The following GARNL3 variants were observed in gnomAD, a reference collection of about 807,000 sequenced individuals.
GARNL3 encodes GTPase activating Rap/RanGAP domain like 3, also known as GTPase-activating Rap/Ran-GAP domain-like protein 3.
Under a neutral mutation model 125.0 loss-of-function variants are expected in GARNL3, and 63 were observed. The observed-to-expected ratio is 0.50, with a 90% CI of 0.41 to 0.62. The LOEUF is 0.62. Ranked by LOEUF, GARNL3 falls within the 20% of genes least tolerant of loss-of-function variation. GARNL3 has a pLI of 0.00. For missense variants in GARNL3, 994 were observed against 1,244.0 expected, an observed-to-expected ratio of 0.80 and a Z score of 3.02; for synonymous variants, 439 against 457.5, an observed-to-expected ratio of 0.96 and a Z score of 0.52.
intron 1 of GARNL3, 67 bp from the exon 2 acceptor site, chr9:127,291,101 G>A (rs2064401110): frequency 5.3e-6 from 8 of 1,512,936 alleles, no homozygotes; most frequent in Non-Finnish European, 7.3e-6. Context: ...CTTACTTATA[G>A]GATAATTACA....
chr9:127,336,938 T>A (rs917905138), intron 11 of GARNL3, among the ~76,000 whole-genome samples: 1 of 152,178 alleles, frequency 6.6e-6, no homozygotes, highest in African/African-American at 2.4e-5. Flanking sequence ...CAAATCAGCA[T>A]TTTCAGAATA....
intron 4 of GARNL3, 52 bp downstream of exon 4, chr9:127,313,611 A>C (rs756409347): frequency 1.6e-5 from 18 of 1,158,622 alleles, no homozygotes. Context: ...GTTTCAGGAG[A>C]TAACCCCTGT....
chr9:127,245,008 C>G (rs1176269166), intron 2 of GARNL3, among the ~76,000 whole-genome samples: 1 of 151,722 alleles, frequency 6.6e-6, no homozygotes, highest in Admixed American at 6.6e-5. Context: ...GGAGGGAACC[C>G]AGGGCGTCAG....
At chr9:127,355,841 G>A (rs1289169534) in intron 20 of GARNL3, among the ~76,000 whole-genome samples, 2 of 152,240 alleles carry the variant, frequency 1.3e-5, no homozygotes, top group Non-Finnish European at 2.9e-5. Flanking sequence ...TAATGGAGCA[G>A]GGAGTTGGGA....
At chr9:127,297,261 T>C (rs2812277) in intron 2 of GARNL3, among the ~76,000 whole-genome samples, 124,946 of 152,046 alleles carry the variant, frequency 0.82, 51,974 homozygotes, top group African/African-American at 0.95. Context: ...ACCTCAGCCT[T>C]CTGTGCAGCT....
At chr9:127,338,025 C>G in intron 11 of GARNL3, 91 bp from the exon 12 acceptor site, 1 of 954,738 alleles carries the variant, frequency 1.0e-6, no homozygotes, top group East Asian at 2.4e-5. Flanking sequence ...AAGCGCTGGT[C>G]GAGAATGACT....
intron 24 of GARNL3, among the ~76,000 whole-genome samples, chr9:127,386,564 G>A (rs761959688): frequency 6.6e-6 from 1 of 152,230 alleles, no homozygotes; most frequent in Non-Finnish European, 1.5e-5. Context: ...AATAACTCCA[G>A]AGCAGATGTA....
At chr9:127,230,514 G>A (rs1038148794) in intron 1 of GARNL3, among the ~76,000 whole-genome samples, 2 of 152,020 alleles carry the variant, frequency 1.3e-5, no homozygotes, top group Non-Finnish European at 2.9e-5. Flanking sequence ...ATTAGCCGAC[G>A]TGGTGGCACA....
chr9:127,360,673 G>A (rs910790145), intron 21 of GARNL3, among the ~76,000 whole-genome samples: 5 of 152,228 alleles, frequency 3.3e-5, no homozygotes, highest in East Asian at 3.8e-4. Context: ...CTGACACAGC[G>A]TAGGTCATTG....
chr9:127,352,553 G>A (rs2131655970), intron 17 of GARNL3, among the ~76,000 whole-genome samples: 1 of 152,308 alleles, frequency 6.6e-6, no homozygotes, highest in East Asian at 1.9e-4. Context: ...GGAGCCCAGG[G>A]TAGAGGAGGA....
intron 1 of GARNL3, among the ~76,000 whole-genome samples, chr9:127,270,012 T>G (rs2063787574): frequency 6.6e-6 from 1 of 152,208 alleles, no homozygotes; most frequent in African/African-American, 2.4e-5. Flanking sequence ...TATTGCTAAA[T>G]TCAATGTCCA....
intron 1 of GARNL3, among the ~76,000 whole-genome samples, chr9:127,229,749 G>A (rs2062970041): frequency 6.6e-6 from 1 of 152,146 alleles, no homozygotes; most frequent in Admixed American, 6.5e-5. Context: ...CTACTGCCTT[G>A]GCTTCCCAAA....
intron 1 of GARNL3, among the ~76,000 whole-genome samples, chr9:127,235,633 T>C (rs1458966996): frequency 7.1e-6 from 1 of 141,458 alleles, no homozygotes; most frequent in African/African-American, 3.2e-5. Flanking sequence ...AAGATTCATA[T>C]AGTTTTTTTG....
intron 22 of GARNL3, among the ~76,000 whole-genome samples, chr9:127,374,030 G>A (rs1414460433): frequency 6.6e-6 from 1 of 151,644 alleles, no homozygotes; most frequent in East Asian, 1.9e-4. Flanking sequence ...GGCTGGGTGC[G>A]GTGCTTCACG....
chr9:127,231,221 ATTTTTTGTTTTT>A (rs2063009677), intron 1 of GARNL3, among the ~76,000 whole-genome samples: 1 of 66,092 alleles, frequency 1.5e-5, no homozygotes, highest in African/African-American at 5.5e-5. Flanking sequence ...CGCCCAGCTA[ATTTTTTGTTTTT>A]TTTTTTTTTT....
At chr9:127,278,188 A>C (rs1170034333) in intron 1 of GARNL3, among the ~76,000 whole-genome samples, 1 of 152,264 alleles carries the variant, frequency 6.6e-6, no homozygotes, top group Non-Finnish European at 1.5e-5. Flanking sequence ...AGCACAGAGA[A>C]GAAAATTAAA....
At chr9:127,332,434 T>C (rs933901821) in intron 8 of GARNL3, 85 bp downstream of exon 8, 78 of 1,068,510 alleles carry the variant, frequency 7.3e-5, no homozygotes, top group Non-Finnish European at 1.1e-4. Flanking sequence ...AACTTGTCTG[T>C]TGAGTTGGAG....
At chr9:127,391,700 CAAAAA>C (rs11357196) in intron 27 of GARNL3, among the ~76,000 whole-genome samples, 2 of 76,922 alleles carry the variant, frequency 2.6e-5, no homozygotes. Flanking sequence ...GACCCCGTGT[CAAAAA>C]AAAAAAAAAA....
chr9:127,300,424 C>A, intron 2 of GARNL3: 1 of 406,794 alleles, frequency 2.5e-6, no homozygotes, highest in South Asian at 1.8e-5. Flanking sequence ...TCTGCCCCTG[C>A]TGTTCCTTGA....
Sources: gnomAD v4.1 joint callset for allele counts (sites outside exome capture counted in the v4.1 genomes callset) on GRCh38, gnomAD v4.1.1 for gene constraint, MANE v1.5 for transcripts, NCBI Gene and HGNC (gene_info 2026-07-23, HGNC 2026-07-21) for gene names.